Variants in SLC35F4 observed in about 807,000 individuals in gnomAD.
SLC35F4 encodes chromosome 14 open reading frame 36.
SLC35F4 carries 24 observed loss-of-function variants against 44.2 expected under a neutral mutation model. The observed-to-expected ratio is 0.54, with a 90% confidence interval of 0.39 to 0.76. SLC35F4 has a LOEUF of 0.76. Ranked by LOEUF, SLC35F4 falls within the 30% of genes least tolerant of loss-of-function variation. SLC35F4 has a pLI of 0.00. For missense variants in SLC35F4, 562 were observed against 586.1 expected (o/e 0.96, Z 0.42); for synonymous variants, 238 against 223.6 (o/e 1.06, Z -0.57).
At chr14:57,829,814 A>G (rs1331095201) in intron 1 of SLC35F4, among the ~76,000 whole-genome samples, 1 of 152,198 alleles carries the variant, frequency 6.6e-6, no homozygotes, top group Non-Finnish European at 1.5e-5. Context: ...AATATTTCAA[A>G]GAAGGCCGTG....
chr14:57,920,898 A>G (rs1042322103), intron 1 of SLC35F4, among the ~76,000 whole-genome samples: 3 of 152,256 alleles, frequency 2.0e-5, no homozygotes, highest in African/African-American at 4.8e-5. Flanking sequence ...CATCAAATGT[A>G]TAGATTACAT....
chr14:57,968,492 A>G (rs1880958064), intron 1 of SLC35F4, among the ~76,000 whole-genome samples: 1 of 152,206 alleles, frequency 6.6e-6, no homozygotes, highest in South Asian at 2.1e-4. Context: ...AATACTTTGC[A>G]ATTCCTAATA....
intron 1 of SLC35F4, among the ~76,000 whole-genome samples, chr14:57,808,134 C>T (rs1451486053): frequency 2.0e-5 from 3 of 151,862 alleles, no homozygotes; most frequent in Non-Finnish European, 4.4e-5. Flanking sequence ...GGTGGTGACA[C>T]AGCCAAGCCA....
At chr14:57,799,040 C>T (rs11158177) in intron 1 of SLC35F4, among the ~76,000 whole-genome samples, 24,119 of 152,248 alleles carry the variant, frequency 0.16, 2,267 homozygotes, top group Admixed American at 0.27. Flanking sequence ...TTAGAAGCAG[C>T]TGCGGTCCTC....
At chr14:57,837,803 A>T (rs1885085764) in intron 1 of SLC35F4, 1 of 152,182 alleles carries the variant, frequency 6.6e-6, no homozygotes, top group South Asian at 2.1e-4. Flanking sequence ...TAAATTACCA[A>T]TTCTTCAAGA....
At chr14:57,666,153 C>T (rs1272006583) in intron 1 of SLC35F4, among the ~76,000 whole-genome samples, 1 of 152,130 alleles carries the variant, frequency 6.6e-6, no homozygotes, top group African/African-American at 2.4e-5. Context: ...ATAGGAAAGT[C>T]CTTTGTTGTG....
chr14:57,600,720 C>CAAAAAA (rs2070777571), intron 1 of SLC35F4, among the ~76,000 whole-genome samples: 2 of 122,914 alleles, frequency 1.6e-5, no homozygotes, highest in Non-Finnish European at 3.5e-5. Flanking sequence ...AAAAAAAAAA[C>CAAAAAA]CAAAAAGATA....
chr14:57,819,063 GAAT>G (rs1882902042), intron 1 of SLC35F4, among the ~76,000 whole-genome samples: 1 of 151,968 alleles, frequency 6.6e-6, no homozygotes, highest in South Asian at 2.1e-4. Context: ...TTTTTGAGGG[GAAT>G]AAGAATTAGA....
intron 1 of SLC35F4, among the ~76,000 whole-genome samples, chr14:57,682,287 C>A (rs557548596): frequency 7.2e-5 from 11 of 152,230 alleles, no homozygotes; most frequent in African/African-American, 1.9e-4. Flanking sequence ...AAATGTGGCA[C>A]ATATACACCA....
At chr14:57,585,835 C>G (rs983480862) in intron 3 of SLC35F4, among the ~76,000 whole-genome samples, 1 of 152,114 alleles carries the variant, frequency 6.6e-6, no homozygotes, top group African/African-American at 2.4e-5. Context: ...AGGACACAAA[C>G]GGGTGGGAAA....
At chr14:57,727,428 C>T (rs1012041551) in intron 1 of SLC35F4, among the ~76,000 whole-genome samples, 2 of 150,584 alleles carry the variant, frequency 1.3e-5, no homozygotes, top group Admixed American at 6.6e-5. Context: ...TTTATTTCTT[C>T]TACTAATTTT....
intron 1 of SLC35F4, among the ~76,000 whole-genome samples, chr14:57,789,577 G>C (rs551050271): frequency 5.9e-5 from 9 of 152,256 alleles, no homozygotes; most frequent in African/African-American, 1.9e-4. Flanking sequence ...ACAAAGAGGA[G>C]CTGGTACCAT....
intron 1 of SLC35F4, among the ~76,000 whole-genome samples, chr14:57,644,166 AG>A: frequency 6.6e-6 from 1 of 152,248 alleles, no homozygotes; most frequent in South Asian, 2.1e-4. Context: ...TGGTATTTCT[AG>A]TTCTAGATCC....
intron 1 of SLC35F4, among the ~76,000 whole-genome samples, chr14:57,772,018 T>C (rs2077376675): frequency 6.6e-6 from 1 of 152,226 alleles, no homozygotes; most frequent in African/African-American, 2.4e-5. Context: ...ATAATCCCCT[T>C]TCAAATCCTT....
chr14:57,945,874 T>G (rs1164076640), intron 1 of SLC35F4, among the ~76,000 whole-genome samples: 3 of 152,190 alleles, frequency 2.0e-5, no homozygotes, highest in Non-Finnish European at 4.4e-5. Context: ...TGATGATTAG[T>G]GATGTTGAGT....
At chr14:57,860,523 G>C (rs576652233) in intron 1 of SLC35F4, among the ~76,000 whole-genome samples, 8 of 152,108 alleles carry the variant, frequency 5.3e-5, no homozygotes, top group African/African-American at 7.2e-5. Context: ...TGTCCACCAA[G>C]AGGTGTCCCA....
chr14:57,749,736 C>T (rs1594954976), intron 1 of SLC35F4, among the ~76,000 whole-genome samples: 2 of 152,162 alleles, frequency 1.3e-5, no homozygotes, highest in Admixed American at 1.3e-4. Flanking sequence ...ATGACACCAA[C>T]TATGCTGTTC....
intron 1 of SLC35F4, among the ~76,000 whole-genome samples, chr14:57,641,163 C>CTTTTTTTTTTTTTTTTTTTTTTT (rs2073216578): frequency 2.0e-5 from 3 of 149,400 alleles, no homozygotes; most frequent in African/African-American, 7.3e-5. Context: ...AAGCCTTTTT[C>CTTTTTTTTTTTTTTTTTTTTTTT]TATTCAATAT....
At chr14:57,878,744 T>C (rs1437599656) in intron 1 of SLC35F4, among the ~76,000 whole-genome samples, 1 of 152,136 alleles carries the variant, frequency 6.6e-6, no homozygotes. Context: ...TTATTGTTGT[T>C]GTTCACTATT....
Sources: gnomAD v4.1 joint callset for allele counts (sites outside exome capture counted in the v4.1 genomes callset) on GRCh38, gnomAD v4.1.1 for gene constraint, MANE v1.5 for transcripts, NCBI Gene and HGNC (gene_info 2026-07-23, HGNC 2026-07-21) for gene names.